PLXNA4: variants seen among roughly 807,000 people sequenced by gnomAD.
PLXNA4 encodes the protein plexin-A4.
Under a neutral mutation model 191.8 loss-of-function variants are expected in PLXNA4, and 44 were observed. The observed-to-expected ratio is 0.23, with a 90% CI of 0.18 to 0.29. PLXNA4 has a LOEUF of 0.29. Among genes scored for constraint, PLXNA4 ranks in the 10% least tolerant of loss-of-function variants. The pLI, the probability that PLXNA4 is intolerant of heterozygous loss-of-function variation, is 1.00. For synonymous variants in PLXNA4, 1,082 were observed against 1,009.5 expected (o/e 1.07, Z -1.36); for missense variants, 1,800 against 2,488.8 (o/e 0.72, Z 5.89).
intron 2 of PLXNA4, among the ~76,000 whole-genome samples, chr7:132,590,383 A>G (rs1802585595): frequency 6.6e-6 from 1 of 152,210 alleles, no homozygotes; most frequent in African/African-American, 2.4e-5. Flanking sequence ...AGAGGAGTTT[A>G]TTAAGGAGTA....
chr7:132,452,869 A>G (rs1429905067), intron 3 of PLXNA4, among the ~76,000 whole-genome samples: 3 of 152,136 alleles, frequency 2.0e-5, no homozygotes, highest in African/African-American at 7.2e-5. Flanking sequence ...CACACCAATT[A>G]TTTACTCTGG....
chr7:132,574,930 C>T (rs1173889802), intron 1 of PLXNA4, among the ~76,000 whole-genome samples: 1 of 152,172 alleles, frequency 6.6e-6, no homozygotes, highest in African/African-American at 2.4e-5. Context: ...TTCTGTAAGG[C>T]TCCTAACATA....
chr7:132,644,063 C>T (rs984327477), intron 2 of PLXNA4, among the ~76,000 whole-genome samples: 5 of 152,208 alleles, frequency 3.3e-5, no homozygotes, highest in East Asian at 1.9e-4. Context: ...AGTGGGTCAT[C>T]GGTAAAATAT....
At chr7:132,421,565 C>T (rs2117145370) in intron 3 of PLXNA4, among the ~76,000 whole-genome samples, 1 of 145,202 alleles carries the variant, frequency 6.9e-6, no homozygotes, top group Admixed American at 6.8e-5. Context: ...TGCTTCTTTA[C>T]TTTATTGCTA....
chr7:132,490,811 G>A (rs1187696457), intron 2 of PLXNA4, among the ~76,000 whole-genome samples: 4 of 152,000 alleles, frequency 2.6e-5, no homozygotes, highest in African/African-American at 9.7e-5. Flanking sequence ...ACCCTGACTC[G>A]CTTGCTCCTG....
rs951570333 is a variant in PLXNA4 at position 132,302,297 on chromosome 7, CA to C, written c.1372-4076del. ...GAAGGCCAATAACAAAGGTGAACTA[CA>C]AAAAAAAATGGTCCACCCTCTGCAG... On this transcript the variant is annotated intron_variant, in intron 3 of 31. Coordinates refer to ENST00000321063, the MANE Select transcript of PLXNA4 (RefSeq NM_020911.2). Among the ~76,000 whole-genome samples the C allele has an allele frequency of 4.6e-5, 7 of 150,840 alleles. No individual in the cohort carries two copies. In the South Asian group the frequency reaches 8.4e-4, roughly 18 times the overall value.
intron 9 of PLXNA4, among the ~76,000 whole-genome samples, chr7:132,215,433 T>TG (rs1347924809): frequency 1.3e-5 from 2 of 152,226 alleles, no homozygotes; most frequent in Non-Finnish European, 2.9e-5. Flanking sequence ...AAATATATAT[T>TG]GGGTCTTTTC....
chr7:132,322,208 AG>A (rs1802199365), intron 3 of PLXNA4, among the ~76,000 whole-genome samples: 1 of 93,886 alleles, frequency 1.1e-5, no homozygotes, highest in Middle Eastern at 6.0e-3. Flanking sequence ...TTTTTAACAG[AG>A]TCTCACTCTG....
chr7:132,365,564 T>G (rs1255070781), intron 3 of PLXNA4, among the ~76,000 whole-genome samples: 1 of 152,098 alleles, frequency 6.6e-6, no homozygotes, highest in Non-Finnish European at 1.5e-5. Flanking sequence ...TCCGGAACTG[T>G]GGCTGATGAA....
intron 1 of PLXNA4, among the ~76,000 whole-genome samples, chr7:132,510,572 C>T (rs1048849263): frequency 6.6e-6 from 1 of 152,204 alleles, no homozygotes. Context: ...ACCACCAGAA[C>T]CTGAACTGAT....
chr7:132,642,799 A>T (rs1480547638), intron 2 of PLXNA4, among the ~76,000 whole-genome samples: 1 of 152,208 alleles, frequency 6.6e-6, no homozygotes, highest in Non-Finnish European at 1.5e-5. Flanking sequence ...GAAAGTTCCA[A>T]AAAAAACCAA....
rs751153517 is a variant in PLXNA4 at position 132,182,169 on chromosome 7, T to A, written c.3180A>T (p.Val1060=). The A allele has an allele frequency of 6.2e-7, 1 of 1,614,154 alleles. No individual in the cohort carries two copies. The highest frequency in any genetic ancestry group is 8.5e-7 in the Non-Finnish European group (1 of 1,180,032). ...GTATGAGGTCCAGGTGGGTCCCCCA[T>A]ACGGCGATGGGTGTGTTTCCACTGA... is the stretch of plus-strand genomic sequence containing the variant. ...SIVSGNTPIA[V]WGTHLDLIQN... is the part of the protein sequence containing the mutation. Residue 1060 remains valine, a synonymous_variant, in exon 17 of 32, where the codon GTA becomes GTT. Coordinates refer to ENST00000321063, the MANE Select transcript of PLXNA4 (RefSeq NM_020911.2).
In PLXNA4 at chr7:132,438,537, G is replaced by A. The variant is rs146642429; in HGVS notation, c.1371+50755C>T. ...TTCTCAACCACACACTGAATATCAA[G>A]ATAGGATGATAATTCTAACTGGATA... On this transcript the variant is annotated intron_variant, in intron 3 of 31. Transcript: ENST00000321063. Among the ~76,000 whole-genome samples, 47 of 152,274 alleles carry A rather than the reference G, an allele frequency of 3.1e-4. No homozygotes were observed. The East Asian group carries it at 8.7e-3, about 28-fold the overall frequency.
chr7:132,192,761 G>T (rs530529982), intron 14 of PLXNA4, among the ~76,000 whole-genome samples: 6 of 152,202 alleles, frequency 3.9e-5, no homozygotes, highest in Middle Eastern at 3.4e-3. Flanking sequence ...GGGTGTGTGC[G>T]GCAGGGAATG....
chr7:132,481,321 G>A (rs1013185690), intron 3 of PLXNA4, among the ~76,000 whole-genome samples: 4 of 151,942 alleles, frequency 2.6e-5, no homozygotes, highest in African/African-American at 4.8e-5. Flanking sequence ...GGTACCAGAG[G>A]TCCAGCCACC....
At chr7:132,467,756 G>A (rs143260833) in intron 3 of PLXNA4, among the ~76,000 whole-genome samples, 15 of 152,262 alleles carry the variant, frequency 9.9e-5, no homozygotes, top group South Asian at 2.1e-4. Flanking sequence ...AAGTTGTTTC[G>A]GTCTTTCTAA....
At position 132,185,468 on chromosome 7, in the gene PLXNA4, A is replaced by T; in HGVS notation, c.2994-5T>A. ...ACAATGTAGGATGGAGATCGCCTGGAGGGCAGGAAGACAGAGCACTGGGCG... is the reference window on the plus strand; with the variant it reads ...ACAATGTAGGATGGAGATCGCCTGGTGGGCAGGAAGACAGAGCACTGGGCG... On this transcript the variant is annotated splice_region_variant and splice_polypyrimidine_tract_variant and intron_variant, in intron 15 of 31. Transcript: ENST00000321063. 2 of 1,610,018 alleles carry T rather than the reference A, an allele frequency of 1.2e-6. No individual in the cohort carries two copies.
chr7:132,130,606 C>A, intron 31 of PLXNA4, 32 bp from the exon 32 acceptor site: 1 of 1,613,696 alleles, frequency 6.2e-7, no homozygotes, highest in South Asian at 1.1e-5. Context: ...GGAGATTACT[C>A]ATTTGTGTGT....
intron 3 of PLXNA4, among the ~76,000 whole-genome samples, chr7:132,424,454 C>T (rs147502076): frequency 1.3e-5 from 2 of 152,282 alleles, no homozygotes; most frequent in African/African-American, 2.4e-5. Flanking sequence ...AGGCTGATGT[C>T]GTCTTCATCC....
Sources: gnomAD v4.1 joint callset for allele counts (sites outside exome capture counted in the v4.1 genomes callset) on GRCh38, gnomAD v4.1.1 for gene constraint, MANE v1.5 for transcripts, NCBI Gene and HGNC (gene_info 2026-07-23, HGNC 2026-07-21) for gene names.